Variants in RNF6 observed in about 807,000 individuals in gnomAD.
RNF6 encodes E3 ubiquitin-protein ligase RNF6.
A neutral mutation model predicts 50.1 loss-of-function variants in RNF6; 21 were observed. The ratio of observed to expected loss-of-function variants is 0.42; its 90% confidence interval spans 0.30 to 0.60. The LOEUF (loss-of-function observed/expected upper bound fraction) is 0.60, where lower values mean the gene tolerates loss of function less well. RNF6 is among the 20% of genes least tolerant of loss of function. The pLI is 0.20. For synonymous variants in RNF6, 255 were observed against 291.8 expected, an observed-to-expected ratio of 0.87 and a Z score of 1.29; for missense variants, 698 against 838.2, an observed-to-expected ratio of 0.83 and a Z score of 2.07.
exon 6 of RNF6, chr13:26,132,409 C>T: frequency 2.2e-6 from 1 of 459,114 alleles, no homozygotes; most frequent in African/African-American, 2.0e-5. Flanking sequence ...ATAGACTTAA[C>T]AACTGGTTTT....
chr13:26,211,122 A>T (rs1869304356), downstream of RNF6, among the ~76,000 whole-genome samples: 1 of 152,234 alleles, frequency 6.6e-6, no homozygotes, highest in African/African-American at 2.4e-5. Flanking sequence ...GGGCCTTTGT[A>T]TTTGTCATCA....
chr13:26,191,324 G>A (rs751358029), intron 5 of RNF6, among the ~76,000 whole-genome samples: 4 of 152,162 alleles, frequency 2.6e-5, no homozygotes, highest in Non-Finnish European at 5.9e-5. Flanking sequence ...CCACTATCCT[G>A]TTCAAGTTGC....
At chr13:26,178,643 G>GT (rs1873087193) in intron 5 of RNF6, among the ~76,000 whole-genome samples, 3 of 122,524 alleles carry the variant, frequency 2.4e-5, no homozygotes, top group Non-Finnish European at 5.5e-5. Flanking sequence ...TGTGTGTGTG[G>GT]TGAGAAAGCT....
chr13:26,206,375 A>T (rs568595362), intron 5 of RNF6, among the ~76,000 whole-genome samples: 1 of 152,338 alleles, frequency 6.6e-6, no homozygotes, highest in East Asian at 1.9e-4. Flanking sequence ...CAGTGTCTGC[A>T]GCAGGCTGTC....
intron 5 of RNF6, among the ~76,000 whole-genome samples, chr13:26,143,839 C>T (rs1014296689): frequency 6.6e-6 from 1 of 152,168 alleles, no homozygotes; most frequent in Non-Finnish European, 1.5e-5. Context: ...ACACTTCATT[C>T]ACTGTGAAGT....
intron 5 of RNF6, among the ~76,000 whole-genome samples, chr13:26,148,026 A>T (rs1295896603): frequency 6.6e-6 from 1 of 152,208 alleles, no homozygotes; most frequent in Non-Finnish European, 1.5e-5. Flanking sequence ...TTTATAAAGG[A>T]AAGAAGTTTA....
At chr13:26,133,801 C>T (rs578103639) in intron 5 of RNF6, among the ~76,000 whole-genome samples, 13 of 152,290 alleles carry the variant, frequency 8.5e-5, no homozygotes, top group African/African-American at 2.9e-4. Context: ...GCTTTAAAAT[C>T]TCTCGGATAA....
intron 5 of RNF6, among the ~76,000 whole-genome samples, chr13:26,182,896 G>T (rs576483274): frequency 7.9e-5 from 12 of 152,240 alleles, no homozygotes; most frequent in South Asian, 2.1e-4. Flanking sequence ...TTTGAAAAAA[G>T]AATTTCTTTG....
intron 2 of RNF6, among the ~76,000 whole-genome samples, 187 bp downstream of exon 2, chr13:26,221,061 G>C (rs1870434718): frequency 6.6e-6 from 1 of 152,124 alleles, no homozygotes; most frequent in Non-Finnish European, 1.5e-5. Context: ...TCTATCTTCA[G>C]ATTAAGACCA....
intron 5 of RNF6, among the ~76,000 whole-genome samples, chr13:26,164,635 T>C (rs574528576): frequency 8.4e-4 from 128 of 152,326 alleles, no homozygotes; most frequent in African/African-American, 3.0e-3. Context: ...TATAAACCAC[T>C]GTTATTTTGT....
intron 5 of RNF6, among the ~76,000 whole-genome samples, chr13:26,149,671 T>C (rs1871450076): frequency 6.6e-6 from 1 of 151,526 alleles, no homozygotes; most frequent in African/African-American, 2.4e-5. Context: ...TTAGTTTCAT[T>C]TTGCCCTTAC....
intron 5 of RNF6, among the ~76,000 whole-genome samples, chr13:26,183,567 T>C (rs1873340852): frequency 6.6e-6 from 1 of 152,186 alleles, no homozygotes; most frequent in Non-Finnish European, 1.5e-5. Flanking sequence ...CATAGTAGAT[T>C]GTGAGCAACT....
Position 26,132,277 on chromosome 13 carries a change from T to C in RNF6, n.943A>G, listed in dbSNP as rs147088148. 1,763 of 330,700 alleles carry C rather than the reference T, an allele frequency of 5.3e-3. 22 individuals are homozygous for C. Among genetic ancestry groups the C allele is most frequent in the African/African-American group, 0.034 (1,604 of 46,564 alleles). 20.5% of individuals were successfully genotyped at this position (330,700 alleles called of 1,614,324 possible). Reference sequence around the variant, plus strand: ...ACAAAACAAATGTTGTCATATTCTATGTTCCATAAAAGAAAAAAAACTGTT... The same window carrying C: ...ACAAAACAAATGTTGTCATATTCTACGTTCCATAAAAGAAAAAAAACTGTT... On this transcript the variant is annotated non_coding_transcript_exon_variant, in exon 6 of 6. Coordinates refer to the RNF6 transcript ENST00000468480.
chr13:26,198,232 T>A (rs1868754626), intron 5 of RNF6, among the ~76,000 whole-genome samples: 1 of 151,636 alleles, frequency 6.6e-6, no homozygotes, highest in South Asian at 2.1e-4. Flanking sequence ...AAATTTGCAG[T>A]GTAGGCCAGC....
At chr13:26,188,339 A>G (rs1369383686) in intron 5 of RNF6, among the ~76,000 whole-genome samples, 2 of 152,236 alleles carry the variant, frequency 1.3e-5, no homozygotes, top group East Asian at 3.9e-4. Flanking sequence ...TGTGACAGAC[A>G]TAGACAAGGA....
chr13:26,139,124 G>A (rs1870800297), intron 5 of RNF6, among the ~76,000 whole-genome samples: 1 of 152,116 alleles, frequency 6.6e-6, no homozygotes, highest in South Asian at 2.1e-4. Context: ...AGATAGCAAA[G>A]GACTCTGATG....
At chr13:26,148,673 A>ATAT (rs1871394576) in intron 5 of RNF6, among the ~76,000 whole-genome samples, 1 of 47,112 alleles carries the variant, frequency 2.1e-5, no homozygotes, top group African/African-American at 8.2e-5. Context: ...TATATATATG[A>ATAT]GGGAGATATA....
downstream of RNF6, among the ~76,000 whole-genome samples, chr13:26,211,739 C>G (rs1227542041): frequency 1.3e-5 from 2 of 151,992 alleles, no homozygotes; most frequent in Non-Finnish European, 2.9e-5. Context: ...GCCTGGGCAA[C>G]AGAGTGAGAC....
chr13:26,217,359 T>C (rs1869993727), intron 4 of RNF6, among the ~76,000 whole-genome samples: 1 of 152,252 alleles, frequency 6.6e-6, no homozygotes, highest in African/African-American at 2.4e-5. Context: ...GTGATGATGG[T>C]GCATGTGAAA....
Sources: gnomAD v4.1 joint callset for allele counts (sites outside exome capture counted in the v4.1 genomes callset) on GRCh38, gnomAD v4.1.1 for gene constraint, MANE v1.5 for transcripts, NCBI Gene and HGNC (gene_info 2026-07-23, HGNC 2026-07-21) for gene names.